DMD: variants seen among roughly 807,000 people sequenced by gnomAD.
DMD encodes mutant dystrophin.
In DMD, 63 loss-of-function variants were observed where a neutral mutation model predicts 330.1. The ratio of observed to expected loss-of-function variants is 0.19; its 90% CI spans 0.16 to 0.24. DMD has a LOEUF of 0.24. DMD is among the 10% of genes least tolerant of loss of function. The probability of loss-of-function intolerance (pLI) is 1.00; values close to 1 mark genes in which losing one functional copy is unlikely to be tolerated. For missense variants in DMD, 3,344 were observed against 2,684.1 expected (o/e 1.25, Z -5.43); for synonymous variants, 1,223 against 959.8 (o/e 1.27, Z -5.07).
At chrX:33,280,577 G>C (rs762405619) in intron 1 of DMD, among the ~76,000 whole-genome samples, 1 of 111,577 alleles carries the variant, frequency 9.0e-6, no homozygotes, top group Non-Finnish European at 1.9e-5. Flanking sequence ...CCAAAACAAA[G>C]GGACACAAGG....
intron 7 of DMD, among the ~76,000 whole-genome samples, chrX:32,716,588 C>A (rs757090722): frequency 1.8e-5 from 2 of 110,805 alleles, no homozygotes; most frequent in African/African-American, 6.6e-5. Flanking sequence ...GGCACTGCTA[C>A]GAAGATACAT....
intron 55 of DMD, among the ~76,000 whole-genome samples, chrX:31,573,470 A>T (rs1439592518): frequency 9.0e-6 from 1 of 111,481 alleles, no homozygotes; most frequent in East Asian, 2.8e-4. Flanking sequence ...GTACCTCTGG[A>T]TCTTTTCTAA....
intron 55 of DMD, among the ~76,000 whole-genome samples, chrX:31,622,846 T>TTATATATATATATA (rs757102035): frequency 4.0e-5 from 3 of 74,204 alleles, no homozygotes; most frequent in African/African-American, 1.5e-4. Flanking sequence ...CAGAAAAATT[T>TTATATATATATATA]TATATATATA....
At chrX:32,180,425 A>T (rs55855518) in intron 44 of DMD, among the ~76,000 whole-genome samples, 36,359 of 110,256 alleles carry the variant, frequency 0.33, 4,533 homozygotes, top group East Asian at 0.43. Flanking sequence ...TTATTAACAC[A>T]CTGTTAGGAA....
At chrX:31,497,917 G>A (rs115742342) in intron 56 of DMD, among the ~76,000 whole-genome samples, 1,755 of 111,943 alleles carry the variant, frequency 0.016, 33 homozygotes, top group African/African-American at 0.054. Context: ...AGACTTTAAC[G>A]CTGCAAAGAT....
At chrX:32,858,188 A>C (rs2081748114) in intron 2 of DMD, among the ~76,000 whole-genome samples, 1 of 112,222 alleles carries the variant, frequency 8.9e-6, no homozygotes, top group South Asian at 3.7e-4. Context: ...AAATTGAAGG[A>C]ATTTACCCTG....
At chrX:32,282,942 T>C (rs2097425929) in intron 43 of DMD, among the ~76,000 whole-genome samples, 1 of 112,141 alleles carries the variant, frequency 8.9e-6, no homozygotes, top group Non-Finnish European at 1.9e-5. Flanking sequence ...CTCTCCCCCC[T>C]TCCACTGTAG....
intron 55 of DMD, among the ~76,000 whole-genome samples, chrX:31,616,507 G>A (rs1340264752): frequency 9.0e-6 from 1 of 111,601 alleles, no homozygotes; most frequent in Non-Finnish European, 1.9e-5. Context: ...AGAATATTCT[G>A]AAGGGCTTTG....
chrX:31,201,175 ACACACACACACACACACACACACG>A (rs1199726799), intron 67 of DMD, among the ~76,000 whole-genome samples: 1 of 107,433 alleles, frequency 9.3e-6, no homozygotes, highest in Non-Finnish European at 1.9e-5. Context: ...ACACACACAC[ACACACACACACACACACACACACG>A]CACACACACA....
rs1290788555 is a variant in DMD at position 31,177,013 on chromosome X, C to T, written c.10262+919G>A. ...AAATTGAATTCTTACACAAGCTTAT[C>T]TTCCGAATTGGTCATTTCCCCTTTA... is the stretch of plus-strand genomic sequence containing the variant. On this transcript the variant is annotated intron_variant, in intron 71 of 78. Coordinates refer to ENST00000357033, the MANE Select transcript of DMD (RefSeq NM_004006.3). Among the ~76,000 whole-genome samples, 3 of 111,385 alleles carry T rather than the reference C, an allele frequency of 2.7e-5. No homozygotes were observed. In the East Asian group the frequency reaches 8.4e-4, roughly 31 times the overall value.
At chrX:32,050,736 C>T (rs1161044765) in intron 44 of DMD, among the ~76,000 whole-genome samples, 1 of 110,597 alleles carries the variant, frequency 9.0e-6, no homozygotes, top group Non-Finnish European at 1.9e-5. Flanking sequence ...AATGCTTCAC[C>T]ATGTGGGCTT....
chrX:32,801,650 T>C (rs1280250225), intron 7 of DMD, among the ~76,000 whole-genome samples: 1 of 112,137 alleles, frequency 8.9e-6, no homozygotes, highest in Admixed American at 9.4e-5. Context: ...AGGTATTACA[T>C]TTAAGTCTTT....
chrX:31,423,968 A>G (rs2063565570), intron 60 of DMD, among the ~76,000 whole-genome samples: 1 of 111,249 alleles, frequency 9.0e-6, no homozygotes, highest in Non-Finnish European at 1.9e-5. Context: ...TGCTTCAATC[A>G]GAGAAGACGG....
At chrX:32,251,341 T>C (rs1042763660) in intron 43 of DMD, among the ~76,000 whole-genome samples, 2 of 111,143 alleles carry the variant, frequency 1.8e-5, no homozygotes, top group African/African-American at 3.3e-5. Context: ...AGATATTTCA[T>C]CCACGTTTCA....
chrX:31,725,869 C>G (rs1297072846), intron 52 of DMD, among the ~76,000 whole-genome samples: 1 of 112,358 alleles, frequency 8.9e-6, no homozygotes, highest in Non-Finnish European at 1.9e-5. Context: ...TTTCCAAATC[C>G]TCTTCACTGC....
intron 9 of DMD, among the ~76,000 whole-genome samples, chrX:32,657,432 G>C (rs1478245709): frequency 8.9e-6 from 1 of 112,101 alleles, no homozygotes; most frequent in Admixed American, 9.5e-5. Context: ...CTAGCCTAGT[G>C]ATTTCTTTGT....
intron 1 of DMD, among the ~76,000 whole-genome samples, chrX:33,135,333 C>T (rs755240863): frequency 8.9e-6 from 1 of 112,192 alleles, no homozygotes; most frequent in African/African-American, 3.2e-5. Flanking sequence ...ATATACCCCA[C>T]TAACGTCCAA....
At chrX:31,135,173 A>G (rs990270842) in intron 76 of DMD, among the ~76,000 whole-genome samples, 10 of 110,030 alleles carry the variant, frequency 9.1e-5, no homozygotes, top group Admixed American at 1.9e-4. Flanking sequence ...TAAAATAAGT[A>G]TTACTGCACA....
chrX:31,686,447 T>G (rs2082694523), intron 52 of DMD, among the ~76,000 whole-genome samples: 1 of 112,616 alleles, frequency 8.9e-6, no homozygotes, highest in Non-Finnish European at 1.9e-5. Context: ...TTTCCTCTTA[T>G]GCTTATGCTA....
Sources: gnomAD v4.1 joint callset for allele counts (sites outside exome capture counted in the v4.1 genomes callset) on GRCh38, gnomAD v4.1.1 for gene constraint, MANE v1.5 for transcripts, NCBI Gene and HGNC (gene_info 2026-07-23, HGNC 2026-07-21) for gene names.